The following TMC2 variants were observed in gnomAD, a reference collection of about 807,000 sequenced individuals.
The protein encoded by TMC2 is transmembrane channel-like protein 2.
Under a neutral mutation model 105.9 loss-of-function variants are expected in TMC2, and 102 were observed. The ratio of observed to expected loss-of-function variants is 0.96; its 90% CI spans 0.82 to 1.14. The LOEUF is 1.14. Among genes scored for constraint, TMC2 ranks in the 50% most tolerant of loss-of-function variants. The pLI, the probability that TMC2 is intolerant of heterozygous loss-of-function variation, is 0.00. For missense variants in TMC2, 1,093 were observed against 1,134.3 expected (o/e 0.96, Z 0.52); for synonymous variants, 402 against 422.8 (o/e 0.95, Z 0.60).
chr20:2,625,555 G>A (rs2086558257), intron 17 of TMC2, among the ~76,000 whole-genome samples: 1 of 152,160 alleles, frequency 6.6e-6, no homozygotes, highest in African/African-American at 2.4e-5. Context: ...TTATGTTGGG[G>A]GATTTATCCA....
At chr20:2,600,986 G>GAAAA (rs55710696) in intron 10 of TMC2, among the ~76,000 whole-genome samples, 9 of 90,554 alleles carry the variant, frequency 9.9e-5, no homozygotes, top group East Asian at 6.1e-4. Context: ...GACTGTCTCA[G>GAAAA]AAAAAAAAAA....
chr20:2,641,417 C>A lies in TMC2; in HGVS notation c.*66C>A. ...TCAAGTACCCCAGTTTCACACATAC[C>A]AAACCAAGGTTCTCTCCCCTCTTTC... On this transcript the variant is annotated 3_prime_UTR_variant, in exon 20 of 20. Transcript: ENST00000358864. The A allele has an allele frequency of 2.0e-6, 2 of 1,000,808 alleles. No individual in the cohort carries two copies. The highest frequency in any genetic ancestry group is 3.0e-6 in the Non-Finnish European group (2 of 656,462). 62.0% of individuals were successfully genotyped at this position (1,000,808 alleles called of 1,614,324 possible). A position where few individuals can be genotyped will look rare whatever the true frequency, so the allele number is the denominator to read the frequency against.
intron 11 of TMC2, among the ~76,000 whole-genome samples, chr20:2,609,352 T>C (rs534327813): frequency 1.3e-5 from 2 of 152,260 alleles, no homozygotes; most frequent in South Asian, 4.2e-4. Flanking sequence ...CTCTGTAGGA[T>C]GGGAGAACTG....
chr20:2,580,012 C>T lies in TMC2; in HGVS notation c.790C>T (p.Leu264Phe). Residue 264 changes from leucine (L) to phenylalanine (F), a missense_variant, in exon 7 of 20, where the codon CTT (leucine) becomes TTT (phenylalanine). Coordinates refer to ENST00000358864, the MANE Select transcript of TMC2 (RefSeq NM_080751.3). ...IFLRWMYGVN[L>F]VLFGLIFGLV... ...TCTCCGATGGATGTATGGAGTTAAC[C>T]TTGTCCTTTTTGGCTTAATATTTGG... is the stretch of plus-strand genomic sequence containing the variant. 5.0e-6 allele frequency: 8 copies of T among 1,613,840 alleles called. No homozygotes were observed. Among genetic ancestry groups the T allele is most frequent in the South Asian group, 3.3e-5 (3 of 91,062 alleles).
intron 2 of TMC2, among the ~76,000 whole-genome samples, chr20:2,538,190 C>T (rs2085864471): frequency 6.6e-6 from 1 of 152,094 alleles, no homozygotes; most frequent in Non-Finnish European, 1.5e-5. Context: ...TGTCGGGAGC[C>T]TGAGCTTCAG....
Position 2,572,259 on chromosome 20 carries a change from T to C in TMC2, c.635T>C (p.Leu212Pro), listed in dbSNP as rs112931327. ...KGKQLYAYKMLMAKKWVKFKR... is the reference protein window; with the variant it reads ...KGKQLYAYKMPMAKKWVKFKR... ...AAGCAACTATATGCCTACAAGATGCTGATGGCCAAGGTGTGTGGGGTGGGG... is the reference window on the plus strand; with the variant it reads ...AAGCAACTATATGCCTACAAGATGCCGATGGCCAAGGTGTGTGGGGTGGGG... The change falls in exon 5 of 20, where the codon CTG becomes CCG. Residue 212 changes from leucine (L) to proline (P), a missense_variant. By Grantham distance (98) the Leu-to-Pro change is moderately conservative. Transcript: ENST00000358864. 6 of 1,612,920 alleles carry C rather than the reference T, an allele frequency of 3.7e-6. No homozygotes were observed. The African/African-American group carries it at 4.0e-5, about 11-fold the overall frequency.
chr20:2,590,248 G>A (rs2086259900), intron 7 of TMC2, among the ~76,000 whole-genome samples: 1 of 152,090 alleles, frequency 6.6e-6, no homozygotes, highest in Non-Finnish European at 1.5e-5. Flanking sequence ...GGAAAAACAA[G>A]GGAATTGTTA....
intron 4 of TMC2, among the ~76,000 whole-genome samples, chr20:2,562,453 G>A (rs914310003): frequency 1.3e-5 from 2 of 152,260 alleles, no homozygotes; most frequent in African/African-American, 4.8e-5. Flanking sequence ...CGGTGAGTGG[G>A]AGAGGGTCTG....
intron 2 of TMC2, among the ~76,000 whole-genome samples, chr20:2,538,552 G>A (rs978076223): frequency 6.6e-5 from 10 of 152,102 alleles, no homozygotes; most frequent in African/African-American, 1.9e-4. Flanking sequence ...TCCAGATGCC[G>A]TCCCTTCCGC....
intron 14 of TMC2, among the ~76,000 whole-genome samples, chr20:2,614,672 A>T (rs1447902525): frequency 1.3e-5 from 2 of 152,128 alleles, no homozygotes; most frequent in Non-Finnish European, 2.9e-5. Flanking sequence ...AATAACTAAA[A>T]CTGGTACTAG....
intron 5 of TMC2, among the ~76,000 whole-genome samples, chr20:2,576,146 T>C (rs2086142671): frequency 6.6e-6 from 1 of 152,204 alleles, no homozygotes; most frequent in African/African-American, 2.4e-5. Context: ...ACAGGACATG[T>C]AGCTTGCCTG....
intron 17 of TMC2, among the ~76,000 whole-genome samples, chr20:2,627,512 C>T (rs1259802530): frequency 6.6e-6 from 1 of 152,220 alleles, no homozygotes; most frequent in Non-Finnish European, 1.5e-5. Context: ...TTAACTCTGA[C>T]CTGCATCTTC....
intron 11 of TMC2, 75 bp from the exon 12 acceptor site, chr20:2,610,344 G>C: frequency 1.5e-6 from 2 of 1,366,020 alleles, no homozygotes; most frequent in South Asian, 1.4e-5. Flanking sequence ...GAGATGGATG[G>C]CCATGGGAGT....
intron 2 of TMC2, among the ~76,000 whole-genome samples, chr20:2,540,192 A>T (rs2085880113): frequency 6.6e-6 from 1 of 151,248 alleles, no homozygotes; most frequent in South Asian, 2.1e-4. Context: ...GGGTTTCACC[A>T]TCTTGGCCAG....
chr20:2,589,270 C>CTGTGTGTGTGTGTG (rs750496572), intron 7 of TMC2, among the ~76,000 whole-genome samples: 3,234 of 115,938 alleles, frequency 0.028, 176 homozygotes, highest in African/African-American at 0.048. Context: ...CCTATTTGCC[C>CTGTGTGTGTGTGTG]TGTGTGTGTG....
At chr20:2,536,769 C>T in intron 1 of TMC2, 114 bp downstream of exon 1, 4 of 1,183,302 alleles carry the variant, frequency 3.4e-6, no homozygotes, top group South Asian at 1.3e-5. Context: ...GGGTTTGAGT[C>T]CAGGGCCTGT....
At chr20:2,624,435 C>T in intron 17 of TMC2, 39 bp downstream of exon 17, 1 of 1,590,790 alleles carries the variant, frequency 6.3e-7, no homozygotes, top group Non-Finnish European at 8.6e-7. Flanking sequence ...CCCACGGAAA[C>T]TTCTCCTTGA....
At chr20:2,637,871 C>A (rs1395781515) in intron 19 of TMC2, among the ~76,000 whole-genome samples, 1 of 152,154 alleles carries the variant, frequency 6.6e-6, no homozygotes, top group African/African-American at 2.4e-5. Flanking sequence ...CGTCATGCAC[C>A]CCTTAATAAC....
chr20:2,548,422 C>T (rs80233896), intron 2 of TMC2, among the ~76,000 whole-genome samples: 149 of 152,180 alleles, frequency 9.8e-4, no homozygotes, highest in African/African-American at 3.4e-3. Flanking sequence ...GCGGATCACC[C>T]GAGATCGGGG....
Sources: gnomAD v4.1 joint callset for allele counts (sites outside exome capture counted in the v4.1 genomes callset) on GRCh38, gnomAD v4.1.1 for gene constraint, MANE v1.5 for transcripts, NCBI Gene and HGNC (gene_info 2026-07-23, HGNC 2026-07-21) for gene names.